Variants in ERBB4 observed in about 807,000 individuals in gnomAD.
ERBB4 encodes the protein erb-b2 receptor tyrosine kinase 4, also known as receptor tyrosine-protein kinase erbB-4.
Under a neutral mutation model 158.0 loss-of-function variants are expected in ERBB4, and 42 were observed. That is an observed-to-expected ratio of 0.27 (90% CI 0.21 to 0.34). The LOEUF (loss-of-function observed/expected upper bound fraction) is 0.34. Among genes scored for constraint, ERBB4 ranks in the 10% least tolerant of loss-of-function variants. The probability of loss-of-function intolerance (pLI) is 1.00; values close to 1 mark genes in which losing one functional copy is unlikely to be tolerated. For synonymous variants in ERBB4, 583 were observed against 558.7 expected, an observed-to-expected ratio of 1.04 and a Z score of -0.61; for missense variants, 1,333 against 1,624.1, an observed-to-expected ratio of 0.82 and a Z score of 3.08.
Position 211,630,587 on chromosome 2 carries a change from G to A in ERBB4, c.1954C>T (p.Leu652=), listed in dbSNP as rs2125873314. ...CCACCAATTACTCCAGCTGCAATCA[G>A]GGGAGTTCTGACAACCAGAATGAGA... ...STLPQHARTP[L]IAAGVIGGLF... is the part of the protein sequence containing the mutation. Residue 652 remains leucine, a synonymous_variant, in exon 17 of 28, where the codon CTG becomes TTG. Transcript: ENST00000342788. The A allele has an allele frequency of 6.2e-7, 1 of 1,612,374 alleles. No homozygotes were observed. The highest frequency in any genetic ancestry group is 8.5e-7 in the Non-Finnish European group (1 of 1,179,474).
chr2:212,257,393 TTAAGA>T (rs1345155535), intron 1 of ERBB4, among the ~76,000 whole-genome samples: 2 of 152,156 alleles, frequency 1.3e-5, no homozygotes, highest in Non-Finnish European at 2.9e-5. Flanking sequence ...CTTTCAACAG[TTAAGA>T]TAATTCTAAC....
At chr2:212,217,557 G>C (rs1219359871) in intron 1 of ERBB4, among the ~76,000 whole-genome samples, 1 of 151,188 alleles carries the variant, frequency 6.6e-6, no homozygotes, top group African/African-American at 2.4e-5. Flanking sequence ...CCAGGGTAAG[G>C]CTAGGCAGAC....
At chr2:211,447,327 A>G (rs2064136076) in intron 20 of ERBB4, among the ~76,000 whole-genome samples, 2 of 152,270 alleles carry the variant, frequency 1.3e-5, no homozygotes, top group South Asian at 4.1e-4. Flanking sequence ...ATCCATTATT[A>G]GAAAAACAGC....
chr2:211,725,699 A>C (rs1363461362), intron 5 of ERBB4, among the ~76,000 whole-genome samples: 1 of 152,184 alleles, frequency 6.6e-6, no homozygotes. Flanking sequence ...CAATTCACAC[A>C]ATGTGCATAG....
At chr2:211,641,863 A>C (rs1574910924) in intron 16 of ERBB4, among the ~76,000 whole-genome samples, 1 of 152,082 alleles carries the variant, frequency 6.6e-6, no homozygotes, top group East Asian at 1.9e-4. Context: ...ATTTATAATT[A>C]TGCTTTCTTG....
chr2:211,750,770 A>T, intron 4 of ERBB4, 66 bp from the exon 5 acceptor site: 1 of 1,344,128 alleles, frequency 7.4e-7, no homozygotes, highest in Non-Finnish European at 1.1e-6. Context: ...ACTAGGAGTA[A>T]CTCCTCAAAG....
At chr2:211,909,757 T>C (rs1377757732) in intron 3 of ERBB4, among the ~76,000 whole-genome samples, 1 of 151,792 alleles carries the variant, frequency 6.6e-6, no homozygotes, top group Non-Finnish European at 1.5e-5. Flanking sequence ...TGTGTGTATG[T>C]AGGTTTATGT....
At position 211,619,079 on chromosome 2, in the gene ERBB4, T is replaced by C. The variant is rs116333233; in HGVS notation, c.2301+98A>G. On this transcript the variant is annotated intron_variant, in intron 19 of 27. Coordinates refer to ENST00000342788, the MANE Select transcript of ERBB4 (RefSeq NM_005235.3). ...GATTATAATATTTCCATAAGAGAAA[T>C]TTGTAAGTTGTGGAGTTTGGTTTTG... The C allele has an allele frequency of 6.2e-3, 4,620 of 744,956 alleles. 18 individuals are homozygous for C. Among genetic ancestry groups the C allele is most frequent in the Non-Finnish European group, 8.3e-3 (3,406 of 411,536 alleles). The allele number at this position is 744,956 out of a possible 1,614,324, so 46.1% of individuals were successfully genotyped here.
chr2:212,139,256 T>C (rs137959628), intron 1 of ERBB4, among the ~76,000 whole-genome samples: 33 of 152,142 alleles, frequency 2.2e-4, no homozygotes, highest in African/African-American at 7.5e-4. Context: ...AACTCAGAAA[T>C]GTCTTCTACA....
chr2:212,272,044 AAAACAG>A (rs1286101964), intron 1 of ERBB4, among the ~76,000 whole-genome samples: 1 of 151,794 alleles, frequency 6.6e-6, no homozygotes, highest in Non-Finnish European at 1.5e-5. Context: ...TTAGAATGTG[AAAACAG>A]AGCCTCTCCC....
chr2:211,796,214 T>C (rs2076379138), intron 3 of ERBB4, among the ~76,000 whole-genome samples: 1 of 151,906 alleles, frequency 6.6e-6, no homozygotes, highest in Non-Finnish European at 1.5e-5. Flanking sequence ...AGATAATGTG[T>C]GCTTATTTTT....
intron 1 of ERBB4, among the ~76,000 whole-genome samples, chr2:212,141,828 G>A (rs1055626347): frequency 1.3e-5 from 2 of 151,902 alleles, no homozygotes; most frequent in African/African-American, 2.4e-5. Context: ...TTTTCTTCTT[G>A]TCTTCCTCAA....
intron 16 of ERBB4, 144 bp downstream of exon 16, chr2:211,657,610 G>A (rs1443210570): frequency 7.0e-6 from 5 of 717,726 alleles, no homozygotes; most frequent in Non-Finnish European, 1.3e-5. Flanking sequence ...GAAGGAAAGT[G>A]TTTTATGCCT....
At position 211,553,617 on chromosome 2, in the gene ERBB4, A is replaced by C. The variant is rs551073990; in HGVS notation, c.2487+8286T>G. On this transcript the variant is annotated intron_variant, in intron 20 of 27. Coordinates refer to ENST00000342788, the MANE Select transcript of ERBB4 (RefSeq NM_005235.3). ...ATAGTTTACATTCTTACTTTATGCC[A>C]AACAGTAAGCTTAGCACATTACAAA... 9.5e-4 allele frequency among the ~76,000 whole-genome samples: 144 copies of C among 152,338 alleles called. 1 individual carries two copies. Among genetic ancestry groups the C allele is most frequent in the Non-Finnish European group, 1.2e-3 (80 of 68,032 alleles).
intron 1 of ERBB4, among the ~76,000 whole-genome samples, chr2:212,357,537 A>G (rs1280358970): frequency 6.6e-6 from 1 of 151,916 alleles, no homozygotes; most frequent in African/African-American, 2.4e-5. Context: ...TATCAAGCTC[A>G]ATATTTAAAA....
intron 22 of ERBB4, among the ~76,000 whole-genome samples, chr2:211,427,974 A>G (rs1836717): frequency 0.27 from 40,839 of 150,070 alleles, 6,390 homozygotes; most frequent in South Asian, 0.56. Context: ...GCAGATAGCA[A>G]TGCTATTTAG....
intron 1 of ERBB4, among the ~76,000 whole-genome samples, chr2:212,459,028 C>T (rs1688442481): frequency 6.6e-6 from 1 of 152,016 alleles, no homozygotes; most frequent in South Asian, 2.1e-4. Context: ...CTAATTAGCT[C>T]CTTTGGATAA....
chr2:211,848,002 C>T (rs1232563738), intron 3 of ERBB4, among the ~76,000 whole-genome samples: 1 of 152,072 alleles, frequency 6.6e-6, no homozygotes, highest in Non-Finnish European at 1.5e-5. Context: ...GTAAGAGAGA[C>T]AGAGCGGGGC....
chr2:212,117,839 C>A (rs1237364962), intron 2 of ERBB4, among the ~76,000 whole-genome samples: 1 of 152,132 alleles, frequency 6.6e-6, no homozygotes, highest in Non-Finnish European at 1.5e-5. Context: ...AACATAATTT[C>A]TGCCACACAA....
Sources: gnomAD v4.1 joint callset for allele counts (sites outside exome capture counted in the v4.1 genomes callset) on GRCh38, gnomAD v4.1.1 for gene constraint, MANE v1.5 for transcripts, NCBI Gene and HGNC (gene_info 2026-07-23, HGNC 2026-07-21) for gene names.